The following USP38 variants were observed in gnomAD, a reference collection of about 807,000 sequenced individuals.
USP38 encodes ubiquitin specific peptidase 38.
A neutral mutation model predicts 94.3 loss-of-function variants in USP38; 49 were observed. The observed-to-expected ratio is 0.52, with a 90% CI of 0.41 to 0.66. USP38 has a LOEUF of 0.66. Among genes scored for constraint, USP38 ranks in the 30% least tolerant of loss-of-function variants. The pLI is 0.00. For missense variants in USP38, 1,128 were observed against 1,229.4 expected, an observed-to-expected ratio of 0.92 and a Z score of 1.23; for synonymous variants, 468 against 463.6, an observed-to-expected ratio of 1.01 and a Z score of -0.12.
chr4:143,185,527 T>C lies in USP38; in HGVS notation c.77T>C (p.Val26Ala). The C allele has an allele frequency of 6.2e-7, 1 of 1,613,190 alleles. No homozygotes were observed. ...AAGCGGGTGATTGTGCGGAAGGTGGTGGAATCGGCGGAGCACTGGCTAGAC... is the reference window on the plus strand; with the variant it reads ...AAGCGGGTGATTGTGCGGAAGGTGGCGGAATCGGCGGAGCACTGGCTAGAC... Reference protein sequence around the residue: ...PLKRVIVRKVVESAEHWLDEA... With the variant: ...PLKRVIVRKVAESAEHWLDEA... Residue 26 changes from valine (V) to alanine (A), a missense_variant, in exon 1 of 10, where the codon GTG (valine) becomes GCG (alanine). Transcript: ENST00000307017.
chr4:143,198,028 C>A, intron 4 of USP38, 104 bp downstream of exon 4: 1 of 708,706 alleles, frequency 1.4e-6, no homozygotes, highest in South Asian at 2.1e-5. Flanking sequence ...CAAGTTAGTC[C>A]CAAATCTGTT....
intron 2 of USP38, among the ~76,000 whole-genome samples, chr4:143,189,687 T>G (rs1379040985): frequency 1.3e-5 from 2 of 152,076 alleles, no homozygotes; most frequent in Non-Finnish European, 2.9e-5. Flanking sequence ...TACTATTCAT[T>G]CCCTCTTTGA....
intron 2 of USP38, among the ~76,000 whole-genome samples, chr4:143,189,476 T>A (rs1446219176): frequency 6.6e-6 from 1 of 152,070 alleles, no homozygotes; most frequent in East Asian, 1.9e-4. Flanking sequence ...TAAACTGAGC[T>A]ATTCATATTG....
Position 143,185,222 on chromosome 4 carries a change from A to G in USP38, c.-229A>G. ...GTACGGGCCTCTGGCGCCTTAGGCC[A>G]GCCGCAGGTGTCGGTTCTTAGGCTC... On this transcript the variant is annotated 5_prime_UTR_variant, in exon 1 of 10. Transcript: ENST00000307017. 1 of 507,346 alleles carries G rather than the reference A, an allele frequency of 2.0e-6. No individual in the cohort carries two copies. Among genetic ancestry groups the G allele is most frequent in the East Asian group, 3.4e-5 (1 of 29,132 alleles). The allele number at this position is 507,346 out of a possible 1,614,324, so 31.4% of individuals were successfully genotyped here. A position where few individuals can be genotyped will look rare whatever the true frequency, so the allele number is the denominator to read the frequency against.
rs903749615 is a variant in USP38, at chr4:143,214,483, AATTGGTGCCCTATCT to A, written c.2511_2525del (p.Val838_Leu842del). On this transcript the variant is annotated inframe_deletion, in exon 9 of 10. Transcript: ENST00000307017. ...GGGACTGATGAAGCTTCCTGCACAA[AATTGGTGCCCTATCT>A]ATTAAGTTCCGTTGTGGTTCACTCT... 5.0e-6 allele frequency: 8 copies of A among 1,613,264 alleles called. No individual in the cohort carries two copies. The highest frequency in any genetic ancestry group is 6.8e-6 in the Non-Finnish European group (8 of 1,179,748).
Position 143,220,362 on chromosome 4 carries a change from A to T in USP38, c.3035A>T (p.Asn1012Ile), listed in dbSNP as rs149069194. 3.1e-6 allele frequency: 5 copies of T among 1,613,374 alleles called. No individual in the cohort carries two copies. The change falls in exon 10 of 10, where the codon AAT (asparagine) becomes ATT (isoleucine). Residue 1012 changes from asparagine (N) to isoleucine (I), a missense_variant. Transcript: ENST00000307017. ...TCTGCTTCATGTTCATTTCGGCCCA[A>T]TGGATTTGATGACAACGACCCACCA... ...AASASCSFRP[N>I]GFDDNDPPGS...
At chr4:143,213,457 G>A in intron 8 of USP38, 124 bp from the exon 9 acceptor site, 1 of 1,144,484 alleles carries the variant, frequency 8.7e-7, no homozygotes, top group Non-Finnish European at 1.2e-6. Flanking sequence ...ATTAAAACAG[G>A]AAAAACCTGA....
Position 143,185,940 on chromosome 4 carries a change from T to C in USP38, c.490T>C (p.Ser164Pro). The C allele has an allele frequency of 6.2e-7, 1 of 1,614,140 alleles. No individual in the cohort carries two copies. The highest frequency in any genetic ancestry group is 8.5e-7 in the Non-Finnish European group (1 of 1,180,030). Reference sequence around the variant, plus strand: ...GCAATGCATCCCCAAGGGGAAATTGTCCATCACGTTCTGTCAACAGCTGGT... The same window carrying C: ...GCAATGCATCCCCAAGGGGAAATTGCCCATCACGTTCTGTCAACAGCTGGT... The part of the protein sequence containing the change: ...FVQCIPKGKL[S>P]ITFCQQLVRT... The change falls in exon 1 of 10, where the codon TCC (serine) becomes CCC (proline). Residue 164 changes from serine (S) to proline (P), a missense_variant. Ser to Pro is a moderately conservative substitution (Grantham distance 74). Coordinates refer to ENST00000307017, the MANE Select transcript of USP38 (RefSeq NM_032557.6).
intron 9 of USP38, among the ~76,000 whole-genome samples, chr4:143,219,478 T>C (rs1665529623): frequency 6.6e-6 from 1 of 152,116 alleles, no homozygotes; most frequent in South Asian, 2.1e-4. Flanking sequence ...GTTTTCGTTA[T>C]TAATGTTAAC....
rs200098288 is a variant in USP38 at position 143,214,880 on chromosome 4, A to G, written c.2904A>G (p.Gly968=). ...CAACCAGTGGACTCTGGATAAATGG[A>G]GACCCACCTCTACAGAAAGAACTTA... ...NNPTSGLWIN[G]DPPLQKELMD... The change falls in exon 9 of 10, where the codon GGA becomes GGG. Residue 968 remains glycine (G), a synonymous_variant. Transcript: ENST00000307017. 5 of 1,613,562 alleles carry G rather than the reference A, an allele frequency of 3.1e-6. No homozygotes were observed. In the East Asian group the frequency reaches 1.1e-4, roughly 36 times the overall value.
At chr4:143,220,040 T>C (rs1026864614) in intron 9 of USP38, among the ~76,000 whole-genome samples, 1 of 152,122 alleles carries the variant, frequency 6.6e-6, no homozygotes, top group Non-Finnish European at 1.5e-5. Flanking sequence ...GAATAGATAA[T>C]CTATTGTGAT....
chr4:143,209,530 G>T (rs748165270), intron 6 of USP38, 34 bp from the exon 7 acceptor site: 2 of 1,266,190 alleles, frequency 1.6e-6, no homozygotes, highest in South Asian at 1.3e-5. Context: ...GTGTTTGTAC[G>T]CACATATATA....
intron 9 of USP38, among the ~76,000 whole-genome samples, chr4:143,218,969 T>C (rs2149614455): frequency 6.6e-6 from 1 of 152,102 alleles, no homozygotes; most frequent in Admixed American, 6.6e-5. Flanking sequence ...AAAACATTTA[T>C]AATTCCTACG....
chr4:143,206,109 T>C lies in USP38; in HGVS notation c.1286T>C (p.Leu429Ser), dbSNP rs1731858050. The C allele has an allele frequency of 7.4e-6, 12 of 1,613,776 alleles. No individual in the cohort carries two copies. The highest frequency in any genetic ancestry group is 2.7e-5 in the African/African-American group (2 of 75,056). The change falls in exon 6 of 10, where the codon TTG (leucine) becomes TCG (serine). Residue 429 changes from leucine (L) to serine (S), a missense_variant. By Grantham distance (145) the Leu-to-Ser change is moderately radical (BLOSUM62 -2). Coordinates refer to ENST00000307017, the MANE Select transcript of USP38 (RefSeq NM_032557.6). ...QSAWTSQSNS[L>S]ASCLSRLSGK... The stretch of plus-strand genomic sequence containing the variant: ...GCCTGGACTTCTCAATCCAATTCTT[T>C]GGCGTCTTGCTTGTCTAGACTTTCT...
At chr4:143,193,047 C>G (rs923808494) in intron 2 of USP38, among the ~76,000 whole-genome samples, 2 of 152,170 alleles carry the variant, frequency 1.3e-5, no homozygotes, top group Non-Finnish European at 2.9e-5. Context: ...TGAGCCCTGT[C>G]TGGTTCTGCT....
Position 143,213,734 on chromosome 4 carries a change from A to G in USP38, c.1758A>G (p.Ile586Met), listed in dbSNP as rs1732094226. Residue 586 changes from isoleucine to methionine, a missense_variant, in exon 9 of 10, where the codon ATA becomes ATG. By Grantham distance (10) the Ile-to-Met change is conservative (BLOSUM62 1). Coordinates refer to ENST00000307017, the MANE Select transcript of USP38 (RefSeq NM_032557.6). ...PRTSDGEKTL[I>M]EKMFGGKLRT... ...CAAGTGACGGTGAGAAGACTTTAATAGAAAAAATGTTTGGAGGAAAACTAC... is the reference window on the plus strand; with the variant it reads ...CAAGTGACGGTGAGAAGACTTTAATGGAAAAAATGTTTGGAGGAAAACTAC... 1.9e-6 allele frequency: 3 copies of G among 1,613,684 alleles called. No individual in the cohort carries two copies. In the South Asian group the frequency reaches 3.3e-5, roughly 18 times the overall value.
At chr4:143,203,303 G>A in intron 4 of USP38, 105 bp from the exon 5 acceptor site, 1 of 1,149,234 alleles carries the variant, frequency 8.7e-7, no homozygotes, top group Non-Finnish European at 1.2e-6. Context: ...TGCACATACA[G>A]AAAAGTATCT....
chr4:143,204,995 G>T (rs1038586984), intron 5 of USP38, among the ~76,000 whole-genome samples: 8 of 152,146 alleles, frequency 5.3e-5, no homozygotes, highest in Non-Finnish European at 7.3e-5. Flanking sequence ...AATGTATATT[G>T]CTGGGGTGAC....
intron 7 of USP38, among the ~76,000 whole-genome samples, chr4:143,211,798 A>T (rs1392187356): frequency 6.6e-6 from 1 of 152,210 alleles, no homozygotes; most frequent in Non-Finnish European, 1.5e-5. Context: ...AAGGTTTCTA[A>T]CCAGTGTACT....
Sources: gnomAD v4.1 joint callset for allele counts (sites outside exome capture counted in the v4.1 genomes callset) on GRCh38, gnomAD v4.1.1 for gene constraint, MANE v1.5 for transcripts, NCBI Gene and HGNC (gene_info 2026-07-23, HGNC 2026-07-21) for gene names.